TSNARE1: variants seen among roughly 807,000 people sequenced by gnomAD.
TSNARE1 encodes t-SNARE domain-containing protein 1.
Under a neutral mutation model 62.0 loss-of-function variants are expected in TSNARE1, and 49 were observed. That is an observed-to-expected ratio of 0.79 (90% CI 0.63 to 1.00). TSNARE1 has a LOEUF of 1.00. TSNARE1 is among the 50% of genes least tolerant of loss of function. TSNARE1 has a pLI of 0.00. For missense variants in TSNARE1, 755 were observed against 700.1 expected (o/e 1.08, Z -0.88); for synonymous variants, 328 against 294.4 (o/e 1.11, Z -1.17).
chr8:142,320,856 G>A (rs966868599), intron 6 of TSNARE1, among the ~76,000 whole-genome samples: 1 of 152,228 alleles, frequency 6.6e-6, no homozygotes, highest in Non-Finnish European at 1.5e-5. Context: ...CCATGTGGCA[G>A]GGGCTCTCAC....
In TSNARE1 at chr8:142,314,385, T is replaced by A. The variant is rs1288666290; in HGVS notation, c.1130A>T (p.Gln377Leu). 1.9e-6 allele frequency: 3 copies of A among 1,613,612 alleles called. No individual in the cohort carries two copies. In the Admixed American group the frequency reaches 5.0e-5, roughly 27 times the overall value. ...CCATGGTCAGTACTCGGCACCCACC[T>A]GTTTACTGCCCCTCTGCGCCATGGG... is the stretch of plus-strand genomic sequence containing the variant. ...LLPMAQRGSK[Q>L]SPQAPFAELA... The change falls in exon 9 of 14, where the codon CAG (glutamine) becomes CTG (leucine). Residue 377 changes from glutamine to leucine, a missense_variant and splice_region_variant. Coordinates refer to ENST00000524325, the MANE Select transcript of TSNARE1 (RefSeq NM_145003.5).
At chr8:142,280,632 C>G (rs1224334550) in intron 11 of TSNARE1, among the ~76,000 whole-genome samples, 1 of 152,158 alleles carries the variant, frequency 6.6e-6, no homozygotes, top group South Asian at 2.1e-4. Context: ...GCATGAGTGC[C>G]CCTCGTGATC....
chr8:142,270,460 C>T (rs1439427442), intron 12 of TSNARE1: 1 of 978,190 alleles, frequency 1.0e-6, no homozygotes, highest in Admixed American at 6.4e-5. Context: ...CAGCCCCATA[C>T]AGTACCAAGT....
At chr8:142,216,172 C>T (rs1448408082) in intron 13 of TSNARE1, among the ~76,000 whole-genome samples, 1 of 152,216 alleles carries the variant, frequency 6.6e-6, no homozygotes, top group Non-Finnish European at 1.5e-5. Flanking sequence ...CTCTTCACCC[C>T]CAGGGCCCGG....
chr8:142,256,149 C>A (rs1218998140), intron 12 of TSNARE1, among the ~76,000 whole-genome samples: 2 of 135,960 alleles, frequency 1.5e-5, no homozygotes, highest in Non-Finnish European at 3.2e-5. Context: ...CCACCACCAC[C>A]ACTGTCACCA....
At position 142,319,476 on chromosome 8, in the gene TSNARE1, G is replaced by A. The variant is rs1032264340; in HGVS notation, c.894-842C>T. Among the ~76,000 whole-genome samples, 8 of 152,036 alleles carry A rather than the reference G, an allele frequency of 5.3e-5. No individual in the cohort carries two copies. The East Asian group carries it at 5.8e-4, about 11-fold the overall frequency. On this transcript the variant is annotated intron_variant, in intron 6 of 13. Transcript: ENST00000524325. The surrounding 1 kb of genome is among the most constrained non-coding windows in gnomAD (Gnocchi z 4.9). Reference sequence around the variant, plus strand: ...CCAGCCCGTCTCCCGCTTGGGGTTCGCCACCCCCATCCCTGGAGAGAGGAG... The same window carrying A: ...CCAGCCCGTCTCCCGCTTGGGGTTCACCACCCCCATCCCTGGAGAGAGGAG...
chr8:142,287,642 G>C (rs1822985804), intron 10 of TSNARE1, among the ~76,000 whole-genome samples: 1 of 136,932 alleles, frequency 7.3e-6, no homozygotes, highest in Non-Finnish European at 1.6e-5. Flanking sequence ...AGATCTCAGG[G>C]ACAGTGGGCT....
chr8:142,364,038 CA>C (rs1246489549), intron 1 of TSNARE1, among the ~76,000 whole-genome samples: 1 of 152,216 alleles, frequency 6.6e-6, no homozygotes, highest in Non-Finnish European at 1.5e-5. Flanking sequence ...AAGGAGAAAA[CA>C]AAACCTGGGG....
At chr8:142,395,653 G>A (rs993868250) in intron 1 of TSNARE1, among the ~76,000 whole-genome samples, 1 of 152,208 alleles carries the variant, frequency 6.6e-6, no homozygotes, top group Non-Finnish European at 1.5e-5. Flanking sequence ...CGGCGAAAAC[G>A]CCCAGGTACC....
intron 3 of TSNARE1, among the ~76,000 whole-genome samples, chr8:142,345,014 C>T (rs955083068): frequency 2.1e-4 from 32 of 152,234 alleles, no homozygotes; most frequent in African/African-American, 7.5e-4. Context: ...TCCCCTCCCG[C>T]ACTTGGGCTG....
Position 142,354,981 on chromosome 8 carries a change from G to A in TSNARE1, c.-39-218C>T, listed in dbSNP as rs996665663. ...GCCTCTTGGTCCACTGGTCCCTGCA[G>A]GAACACAGAAACACAGCCTGAGGAA... is the stretch of plus-strand genomic sequence containing the variant. On this transcript the variant is annotated intron_variant, in intron 1 of 13. Coordinates refer to ENST00000524325, the MANE Select transcript of TSNARE1 (RefSeq NM_145003.5). Among the ~76,000 whole-genome samples the A allele has an allele frequency of 2.6e-5, 4 of 151,678 alleles. 1 individual carries two copies. Among genetic ancestry groups the A allele is most frequent in the Admixed American group, 2.6e-4 (4 of 15,256 alleles).
intron 3 of TSNARE1, among the ~76,000 whole-genome samples, chr8:142,345,456 G>A (rs1362493178): frequency 6.6e-6 from 1 of 152,212 alleles, no homozygotes; most frequent in Admixed American, 6.5e-5. Flanking sequence ...GGGGCCACAA[G>A]AGCAGGTCCA....
At chr8:142,228,299 T>C (rs181852339) in intron 13 of TSNARE1, among the ~76,000 whole-genome samples, 51 of 152,336 alleles carry the variant, frequency 3.3e-4, no homozygotes, top group African/African-American at 1.1e-3. Context: ...GTAATGGATA[T>C]ACCTGCTTAA....
chr8:142,227,179 C>A (rs1301977471), intron 13 of TSNARE1, among the ~76,000 whole-genome samples: 3 of 149,884 alleles, frequency 2.0e-5, no homozygotes, highest in East Asian at 2.0e-4. Context: ...GTGCCCACAC[C>A]CCAGTGACAG....
intron 10 of TSNARE1, among the ~76,000 whole-genome samples, chr8:142,289,552 G>A (rs1823397435): frequency 6.6e-6 from 1 of 152,180 alleles, no homozygotes; most frequent in East Asian, 1.9e-4. Flanking sequence ...CACACGAGCT[G>A]CAGGCTACGA....
At chr8:142,233,321 G>A (rs982091539) in intron 12 of TSNARE1, among the ~76,000 whole-genome samples, 1 of 152,178 alleles carries the variant, frequency 6.6e-6, no homozygotes, top group Non-Finnish European at 1.5e-5. Context: ...GACCCAAGCG[G>A]GGTTTTTGGA....
At chr8:142,213,938 G>A (rs920769103) in intron 13 of TSNARE1, among the ~76,000 whole-genome samples, 4 of 152,086 alleles carry the variant, frequency 2.6e-5, no homozygotes, top group African/African-American at 9.7e-5. Context: ...ACCCGGTGCT[G>A]TGGGGCTCCC....
At chr8:142,243,117 C>A (rs989165801) in intron 12 of TSNARE1, among the ~76,000 whole-genome samples, 1 of 151,952 alleles carries the variant, frequency 6.6e-6, no homozygotes, top group Non-Finnish European at 1.5e-5. Flanking sequence ...TTGGTGAGGG[C>A]GTGGGGAAAA....
At chr8:142,277,036 G>A (rs1255921670) in intron 11 of TSNARE1, 2 of 985,312 alleles carry the variant, frequency 2.0e-6, no homozygotes, top group Non-Finnish European at 1.2e-6. Flanking sequence ...GTGAGGACAG[G>A]TTTGGTGCGT....
Sources: allele counts gnomAD v4.1 joint callset (sites outside exome capture counted in the v4.1 genomes callset), GRCh38; gene constraint gnomAD v4.1.1; non-coding constraint Gnocchi (gnomAD v3.1); transcripts MANE v1.5; gene names NCBI Gene and HGNC (gene_info 2026-07-23, HGNC 2026-07-21).